Variants in FHIT observed in about 807,000 individuals in gnomAD.
The protein encoded by FHIT is bis(5'-adenosyl)-triphosphatase.
Under a neutral mutation model 17.9 loss-of-function variants are expected in FHIT, and 19 were observed. The ratio of observed to expected loss-of-function variants is 1.06; its 90% CI spans 0.74 to 1.56. The LOEUF (loss-of-function observed/expected upper bound fraction) is 1.56, where lower values mean the gene tolerates loss of function less well. Among genes scored for constraint, FHIT ranks in the 40% most tolerant of loss-of-function variants. The pLI is 0.00. For missense variants in FHIT, 248 were observed against 189.2 expected, an observed-to-expected ratio of 1.31 and a Z score of -1.82; for synonymous variants, 81 against 69.7, an observed-to-expected ratio of 1.16 and a Z score of -0.81.
intron 8 of FHIT, among the ~76,000 whole-genome samples, chr3:59,769,677 C>T (rs763322788): frequency 1.3e-5 from 2 of 151,806 alleles, no homozygotes; most frequent in Non-Finnish European, 2.9e-5. Context: ...GCAGACTTTG[C>T]TGCCAGCTTA....
At chr3:60,324,067 T>C (rs562454868) in intron 5 of FHIT, among the ~76,000 whole-genome samples, 1 of 152,296 alleles carries the variant, frequency 6.6e-6, no homozygotes, top group African/African-American at 2.4e-5. Flanking sequence ...ATAATGATGA[T>C]GCTGATAAGA....
At chr3:60,030,053 T>C (rs1700937178) in intron 5 of FHIT, among the ~76,000 whole-genome samples, 1 of 152,092 alleles carries the variant, frequency 6.6e-6, no homozygotes, top group Admixed American at 6.6e-5. Flanking sequence ...TTGTCAGGGT[T>C]TTGTTTGTGA....
chr3:60,847,088 T>G (rs1222883313), intron 3 of FHIT, among the ~76,000 whole-genome samples: 1 of 152,206 alleles, frequency 6.6e-6, no homozygotes, highest in African/African-American at 2.4e-5. Context: ...CCTCCCAAAG[T>G]GCCAGGATTA....
intron 3 of FHIT, among the ~76,000 whole-genome samples, chr3:60,849,460 ATAT>A (rs1703058115): frequency 6.8e-6 from 1 of 147,954 alleles, no homozygotes; most frequent in African/African-American, 2.5e-5. Context: ...ATATATATAT[ATAT>A]AAAATTATTA....
intron 8 of FHIT, among the ~76,000 whole-genome samples, chr3:59,849,992 G>T (rs577678303): frequency 6.6e-6 from 1 of 152,046 alleles, no homozygotes; most frequent in Non-Finnish European, 1.5e-5. Context: ...GTCATGCTGG[G>T]TTTTTTTCCA....
intron 5 of FHIT, among the ~76,000 whole-genome samples, chr3:60,209,305 C>T (rs1184234930): frequency 6.6e-6 from 1 of 152,138 alleles, no homozygotes; most frequent in Non-Finnish European, 1.5e-5. Flanking sequence ...AGTATGTGCA[C>T]AGCTATATTA....
At chr3:61,093,386 G>A (rs2035544289) in intron 2 of FHIT, among the ~76,000 whole-genome samples, 1 of 152,144 alleles carries the variant, frequency 6.6e-6, no homozygotes, top group South Asian at 2.1e-4. Flanking sequence ...AGGGTAGAGG[G>A]TGCTTCTGGC....
chr3:60,856,751 G>A (rs1703403296), intron 3 of FHIT: 1 of 152,532 alleles, frequency 6.6e-6, no homozygotes, highest in Admixed American at 6.6e-5. Context: ...CTGCCTCACT[G>A]TCTTTATCTC....
At chr3:60,220,768 A>T (rs1247741536) in intron 5 of FHIT, among the ~76,000 whole-genome samples, 1 of 152,168 alleles carries the variant, frequency 6.6e-6, no homozygotes, top group Non-Finnish European at 1.5e-5. Flanking sequence ...GTTTTCCAGG[A>T]TGGATCACAG....
intron 4 of FHIT, among the ~76,000 whole-genome samples, chr3:60,818,991 T>A (rs989617667): frequency 1.3e-5 from 2 of 151,886 alleles, no homozygotes; most frequent in Non-Finnish European, 1.5e-5. Flanking sequence ...TTATTTTTAT[T>A]CTCTAATGCT....
chr3:59,913,465 C>T (rs925425208), intron 8 of FHIT, among the ~76,000 whole-genome samples: 7 of 152,234 alleles, frequency 4.6e-5, no homozygotes, highest in East Asian at 1.9e-4. Context: ...GATATTTACT[C>T]TCTGCAAATT....
In FHIT at chr3:60,072,407, A is replaced by G. The variant is rs112022508; in HGVS notation, c.104-58255T>C. ...TGTGGCCCATACCATATCAACAACA[A>G]AATAAAGAAACCAACCAAGTCAACA... On this transcript the variant is annotated intron_variant, in intron 5 of 9. Coordinates refer to ENST00000492590, the MANE Select transcript of FHIT (RefSeq NM_002012.4). Among the ~76,000 whole-genome samples the G allele has an allele frequency of 4.7e-3, 708 of 152,240 alleles. 6 individuals carry two copies. The highest frequency in any genetic ancestry group is 0.016 in the African/African-American group (668 of 41,522).
chr3:60,559,928 T>G (rs180999), intron 4 of FHIT, among the ~76,000 whole-genome samples: 4 of 151,936 alleles, frequency 2.6e-5, no homozygotes, highest in Non-Finnish European at 5.9e-5. Flanking sequence ...ATGAGGTCTT[T>G]TCTTTACTTT....
chr3:60,648,372 A>T (rs1321656834), intron 4 of FHIT, among the ~76,000 whole-genome samples: 2 of 152,174 alleles, frequency 1.3e-5, no homozygotes, highest in Non-Finnish European at 2.9e-5. Flanking sequence ...AACAGGGTTA[A>T]CAACTCATGA....
rs535075633 is a variant in FHIT at position 60,159,135 on chromosome 3, G to C, written c.104-144983C>G. On this transcript the variant is annotated intron_variant, in intron 5 of 9. Transcript: ENST00000492590. ...TACTGTATATGTTTGAGGGGAGGGG[G>C]TTTGAAAGAGGGTCTCACTTTGTTG... 2.3e-3 allele frequency among the ~76,000 whole-genome samples: 349 copies of C among 152,158 alleles called. 1 individual carries two copies. The highest frequency in any genetic ancestry group is 8.1e-3 in the African/African-American group (337 of 41,534).
At chr3:60,678,731 T>C (rs1484788892) in intron 4 of FHIT, among the ~76,000 whole-genome samples, 1 of 152,080 alleles carries the variant, frequency 6.6e-6, no homozygotes, top group Admixed American at 6.6e-5. Flanking sequence ...TTTCCAAGAT[T>C]TACCATTTTC....
chr3:60,750,563 T>A (rs1692392152), intron 4 of FHIT, among the ~76,000 whole-genome samples: 1 of 152,222 alleles, frequency 6.6e-6, no homozygotes. Context: ...AGGTCTCTCT[T>A]TGCCTGCTGC....
rs570202230 is a variant in FHIT, at chr3:59,769,592, A to T, written c.349-17271T>A. On this transcript the variant is annotated intron_variant, in intron 8 of 9. Transcript: ENST00000492590. ...TACTTACCGCAAGCTGCCAGGCCAG[A>T]TTTTCTGAGCATTAGTCTAATTAAC... Among the ~76,000 whole-genome samples, 9 of 152,290 alleles carry T rather than the reference A, an allele frequency of 5.9e-5. No homozygotes were observed. The South Asian group carries it at 1.9e-3, about 32-fold the overall frequency.
rs541822499 is a variant in FHIT at position 60,309,416 on chromosome 3, T to C, written c.103+227444A>G. The stretch of plus-strand genomic sequence containing the variant: ...CCAAAAAGTATGGTCCATTTTAACA[T>C]AGGCTACTTTGAACACTAAAAAAAA... On this transcript the variant is annotated intron_variant, in intron 5 of 9. Coordinates refer to ENST00000492590, the MANE Select transcript of FHIT (RefSeq NM_002012.4). Among the ~76,000 whole-genome samples the C allele has an allele frequency of 3.3e-5, 5 of 152,204 alleles. No homozygotes were observed. The South Asian group carries it at 1.0e-3, about 32-fold the overall frequency.
Sources: allele counts gnomAD v4.1 joint callset (sites outside exome capture counted in the v4.1 genomes callset), GRCh38; gene constraint gnomAD v4.1.1; transcripts MANE v1.5; gene names NCBI Gene and HGNC (gene_info 2026-07-23, HGNC 2026-07-21).